CA10: variants seen among roughly 807,000 people sequenced by gnomAD.
The protein encoded by CA10 is carbonic anhydrase 10 (inactive), also known as carbonic anhydrase-related protein 10.
Under a neutral mutation model 44.2 loss-of-function variants are expected in CA10, and 14 were observed. That is an observed-to-expected ratio of 0.32 (90% confidence interval 0.21 to 0.50). The LOEUF (loss-of-function observed/expected upper bound fraction) is 0.50, where lower values mean the gene tolerates loss of function less well. Among genes scored for constraint, CA10 ranks in the 20% least tolerant of loss-of-function variants. The probability of loss-of-function intolerance (pLI) is 0.99; values close to 1 mark genes in which losing one functional copy is unlikely to be tolerated. For synonymous variants in CA10, 159 were observed against 141.6 expected, an observed-to-expected ratio of 1.12 and a Z score of -0.87; for missense variants, 350 against 409.7, an observed-to-expected ratio of 0.85 and a Z score of 1.26.
chr17:52,154,287 T>C (rs1598243779), intron 1 of CA10, among the ~76,000 whole-genome samples: 1 of 152,226 alleles, frequency 6.6e-6, no homozygotes, highest in Non-Finnish European at 1.5e-5. Context: ...TGAAGCTCTG[T>C]GGGCTTTGGT....
intron 2 of CA10, among the ~76,000 whole-genome samples, chr17:52,071,852 C>T (rs1987688368): frequency 6.6e-6 from 1 of 152,140 alleles, no homozygotes; most frequent in East Asian, 1.9e-4. Flanking sequence ...GTATTCAGTT[C>T]TCTGTCCTCT....
intron 3 of CA10, among the ~76,000 whole-genome samples, chr17:51,776,518 ATT>A (rs1277340800): frequency 6.6e-6 from 1 of 152,210 alleles, no homozygotes; most frequent in Non-Finnish European, 1.5e-5. Context: ...CAAAATAAAA[ATT>A]ATTAATATTT....
intron 2 of CA10, among the ~76,000 whole-genome samples, chr17:51,959,189 C>A (rs1458812410): frequency 6.6e-6 from 1 of 151,528 alleles, no homozygotes; most frequent in Non-Finnish European, 1.5e-5. Flanking sequence ...ATGCATACAC[C>A]TCAAACTCTG....
chr17:51,973,843 T>C (rs1984365921), intron 2 of CA10, among the ~76,000 whole-genome samples: 1 of 152,110 alleles, frequency 6.6e-6, no homozygotes, highest in African/African-American at 2.4e-5. Context: ...AAATAACTAC[T>C]AGAATGTGAA....
intron 7 of CA10, among the ~76,000 whole-genome samples, chr17:51,635,513 CAAAAAAGA>C (rs1468820122): frequency 6.7e-6 from 1 of 148,744 alleles, no homozygotes; most frequent in Non-Finnish European, 1.5e-5. Context: ...GACTCCATCT[CAAAAAAGA>C]AAAAAAAAAA....
In CA10 at chr17:52,108,194, T is replaced by TATATATATATATATA. The variant is rs1567735876; in HGVS notation, c.62-35802_62-35801insTATATATATATATAT. On this transcript the variant is annotated intron_variant, in intron 1 of 8. Transcript: ENST00000451037. ...TAATATATTTTTATATATATATTTT[T>TATATATATATATATA]TATATATATATATATATATATATAT... is the stretch of plus-strand genomic sequence containing the variant. 1.8e-3 allele frequency among the ~76,000 whole-genome samples: 107 copies of TATATATATATATATA among 57,922 alleles called. 1 individual carries two copies. Among genetic ancestry groups the TATATATATATATATA allele is most frequent in the South Asian group, 2.0e-3 (3 of 1,468 alleles). 38.0% of individuals were successfully genotyped at this position (57,922 alleles called of 152,430 possible).
chr17:51,836,894 T>A (rs1908498187), intron 3 of CA10, among the ~76,000 whole-genome samples: 1 of 152,134 alleles, frequency 6.6e-6, no homozygotes, highest in Admixed American at 6.5e-5. Context: ...GTTATGCGTT[T>A]TAATTCTTAG....
intron 1 of CA10, among the ~76,000 whole-genome samples, chr17:52,112,564 C>G (rs1988809459): frequency 6.6e-6 from 1 of 152,206 alleles, no homozygotes; most frequent in Non-Finnish European, 1.5e-5. Flanking sequence ...ATATTAAATA[C>G]TGGTTCTATC....
At chr17:51,913,820 G>C (rs202121) in intron 3 of CA10, among the ~76,000 whole-genome samples, 104,863 of 151,908 alleles carry the variant, frequency 0.69, 36,492 homozygotes, top group Non-Finnish European at 0.71. Context: ...TCATCCTCTT[G>C]TTGGTGTGAC....
intron 2 of CA10, among the ~76,000 whole-genome samples, chr17:52,012,673 C>G (rs1285132281): frequency 6.6e-6 from 1 of 151,794 alleles, no homozygotes; most frequent in Non-Finnish European, 1.5e-5. Context: ...AAGATTCTGC[C>G]CCACCTACAT....
At chr17:52,028,397 T>C (rs975009909) in intron 2 of CA10, among the ~76,000 whole-genome samples, 4 of 152,206 alleles carry the variant, frequency 2.6e-5, no homozygotes, top group African/African-American at 9.6e-5. Context: ...TTCACAAAAC[T>C]ATTCTAGTTT....
At chr17:51,811,610 T>C (rs549083032) in intron 3 of CA10, among the ~76,000 whole-genome samples, 4 of 152,318 alleles carry the variant, frequency 2.6e-5, no homozygotes, top group African/African-American at 9.6e-5. Flanking sequence ...GAAAAGGACA[T>C]GAACTCATCC....
chr17:51,780,894 G>A (rs1391972588), intron 3 of CA10, among the ~76,000 whole-genome samples: 1 of 152,194 alleles, frequency 6.6e-6, no homozygotes, highest in Non-Finnish European at 1.5e-5. Flanking sequence ...TGGTCATATG[G>A]CTTCAACTCT....
At chr17:52,131,245 T>G in intron 1 of CA10, among the ~76,000 whole-genome samples, 1 of 152,266 alleles carries the variant, frequency 6.6e-6, no homozygotes, top group Non-Finnish European at 1.5e-5. Context: ...GGCCTCATAC[T>G]TTATGAGTTT....
At chr17:51,733,656 T>C (rs1598016151) in intron 4 of CA10, among the ~76,000 whole-genome samples, 1 of 152,170 alleles carries the variant, frequency 6.6e-6, no homozygotes, top group Admixed American at 6.5e-5. Context: ...GCAACTGCTT[T>C]TTGGAGCAGA....
intron 2 of CA10, among the ~76,000 whole-genome samples, chr17:52,006,248 T>C (rs919172915): frequency 5.3e-5 from 8 of 151,862 alleles, no homozygotes; most frequent in African/African-American, 1.9e-4. Flanking sequence ...TACTCTATTC[T>C]GTCCCTTTGT....
At chr17:51,768,816 T>C (rs1905487975) in intron 3 of CA10, among the ~76,000 whole-genome samples, 1 of 152,172 alleles carries the variant, frequency 6.6e-6, no homozygotes, top group African/African-American at 2.4e-5. Context: ...CTGTTAAAGC[T>C]CTCTTTCCAG....
chr17:52,027,096 C>T (rs537763701), intron 2 of CA10, among the ~76,000 whole-genome samples: 15 of 151,944 alleles, frequency 9.9e-5, no homozygotes, highest in Admixed American at 8.5e-4. Flanking sequence ...CATCTAGGGG[C>T]GATGGGAGAT....
At chr17:51,668,037 G>A (rs932808388) in intron 4 of CA10, among the ~76,000 whole-genome samples, 2 of 152,162 alleles carry the variant, frequency 1.3e-5, no homozygotes, top group Non-Finnish European at 2.9e-5. Flanking sequence ...TGTAACCCAG[G>A]CCCAACCATT....
Sources: allele counts gnomAD v4.1 joint callset (sites outside exome capture counted in the v4.1 genomes callset), GRCh38; gene constraint gnomAD v4.1.1; transcripts MANE v1.5; gene names NCBI Gene and HGNC (gene_info 2026-07-23, HGNC 2026-07-21).